The following PPIA variants were observed in gnomAD, a reference collection of about 807,000 sequenced individuals.
PPIA encodes peptidylprolyl isomerase A, also known as peptidyl-prolyl cis-trans isomerase A.
Under a neutral mutation model 15.3 loss-of-function variants are expected in PPIA, and 2 were observed. The observed-to-expected ratio is 0.13, with a 90% confidence interval of 0.05 to 0.41. The LOEUF is 0.41. PPIA is among the 10% of genes least tolerant of loss of function. PPIA has a pLI of 0.99. For synonymous variants in PPIA, 67 were observed against 73.1 expected, an observed-to-expected ratio of 0.92 and a Z score of 0.43; for missense variants, 103 against 210.3, an observed-to-expected ratio of 0.49 and a Z score of 3.16.
chr7:44,797,142 G>T (rs985288270), intron 1 of PPIA, among the ~76,000 whole-genome samples: 3 of 152,220 alleles, frequency 2.0e-5, no homozygotes, highest in African/African-American at 7.2e-5. Context: ...CTCCGCCCTA[G>T]CTTGGCCTGG....
chr7:44,799,327 G>T (rs901476990), intron 2 of PPIA, 50 bp downstream of exon 2: 12 of 1,531,144 alleles, frequency 7.8e-6, no homozygotes, highest in Non-Finnish European at 9.9e-6. Flanking sequence ...GTGACAGTTT[G>T]TGTGTGTGTG....
intron 1 of PPIA, among the ~76,000 whole-genome samples, chr7:44,797,257 G>T (rs1403442520): frequency 6.6e-6 from 1 of 152,218 alleles, no homozygotes; most frequent in African/African-American, 2.4e-5. Context: ...GAGCTGGGAA[G>T]CTGTTTGCTT....
In PPIA at chr7:44,803,112, T is replaced by G. The variant is rs140505462; in HGVS notation, c.*1690T>G. 7.4e-4 allele frequency: 112 copies of G among 152,360 alleles called. No homozygotes were observed. Among genetic ancestry groups the G allele is most frequent in the African/African-American group, 2.5e-3 (106 of 41,588 alleles). The allele number at this position is 152,360 out of a possible 1,614,324, so 9.4% of individuals were successfully genotyped here. On this transcript the variant is annotated 3_prime_UTR_variant, in exon 5 of 5. Coordinates refer to ENST00000468812, the MANE Select transcript of PPIA (RefSeq NM_021130.5). ...GTGGAAATAAACATCAAACATCTTT[T>G]CATTATCCCTAGTATTTCTTATTCC...
rs1792491290 is a variant in PPIA at position 44,799,809 on chromosome 7, C to T, written c.297C>T (p.Ser99=). The T allele has an allele frequency of 1.9e-6, 3 of 1,613,630 alleles. No homozygotes were observed. The highest frequency in any genetic ancestry group is 2.5e-6 in the Non-Finnish European group (3 of 1,179,974). ...AGCATACGGGTCCTGGCATCTTGTC[C>T]ATGGCAAATGCTGGACCCAACACAA... ...ILKHTGPGIL[S]MANAGPNTNG... The change falls in exon 4 of 5, where the codon TCC becomes TCT. Residue 99 remains serine, a synonymous_variant. Transcript: ENST00000468812.
In PPIA at chr7:44,799,380, T is replaced by G. The variant is rs1418247362; in HGVS notation, c.101-12T>G. 2 of 1,611,228 alleles carry G rather than the reference T, an allele frequency of 1.2e-6. No individual in the cohort carries two copies. The highest frequency in any genetic ancestry group is 1.7e-6 in the Non-Finnish European group (2 of 1,178,892). On this transcript the variant is annotated splice_polypyrimidine_tract_variant and intron_variant, in intron 2 of 4. Coordinates refer to ENST00000468812, the MANE Select transcript of PPIA (RefSeq NM_021130.5). Reference sequence around the variant, plus strand: ...ATGTATGTATATATGTGTTTAATTTTTTTTTAAACAGAAAATTTTCGTGCT... The same window carrying G: ...ATGTATGTATATATGTGTTTAATTTGTTTTTAAACAGAAAATTTTCGTGCT...
In PPIA at chr7:44,799,608, C is replaced by T. The variant is rs1583691004; in HGVS notation, c.190-94C>T. 3.2e-6 allele frequency: 5 copies of T among 1,578,296 alleles called. No individual in the cohort carries two copies. The East Asian group carries it at 1.1e-4, about 35-fold the overall frequency. On this transcript the variant is annotated intron_variant, in intron 3 of 4. Coordinates refer to ENST00000468812, the MANE Select transcript of PPIA (RefSeq NM_021130.5). ...TTCGGTTCTATTTAACCCTTCTATT[C>T]AGTTTGAACTTGGGTTTAAAGTTTG... is the stretch of plus-strand genomic sequence containing the variant.
rs1037648992 is a variant in PPIA at position 44,801,765 on chromosome 7, A to G, written c.*343A>G. The stretch of plus-strand genomic sequence containing the variant: ...TACTTTCCAGTCCCAGGAAGTGTCA[A>G]TGTTTGTTGAGTGGAATATTGAAAA... On this transcript the variant is annotated 3_prime_UTR_variant, in exon 5 of 5. Transcript: ENST00000468812. 4.6e-5 allele frequency: 10 copies of G among 216,428 alleles called. No homozygotes were observed. The highest frequency in any genetic ancestry group is 1.2e-4 in the African/African-American group (5 of 42,154). The allele number at this position is 216,428 out of a possible 1,614,324, so 13.4% of individuals were successfully genotyped here. A position where few individuals can be genotyped will look rare whatever the true frequency, so the allele number is the denominator to read the frequency against.
At chr7:44,801,050 C>G (rs1044908554) in intron 4 of PPIA, among the ~76,000 whole-genome samples, 7 of 151,684 alleles carry the variant, frequency 4.6e-5, no homozygotes, top group Non-Finnish European at 1.0e-4. Flanking sequence ...ATCTCCTGAC[C>G]TCGTGATCCG....
chr7:44,799,016 T>A (rs1264611597), intron 1 of PPIA: 11 of 1,157,858 alleles, frequency 9.5e-6, no homozygotes, highest in Admixed American at 3.7e-5. Flanking sequence ...GAAGTCTCAC[T>A]ATTTAAGTTA....
chr7:44,802,981 C>G lies in PPIA; in HGVS notation c.*1559C>G, dbSNP rs1419367791. On this transcript the variant is annotated 3_prime_UTR_variant, in exon 5 of 5. Coordinates refer to ENST00000468812, the MANE Select transcript of PPIA (RefSeq NM_021130.5). ...CTGGTTCCTTCTGCGTGAATTACCA[C>G]CACCACCACTTGTGCATCTCAGTCT... 6.6e-6 allele frequency: 1 copy of G among 152,208 alleles called. No homozygotes were observed. The highest frequency in any genetic ancestry group is 1.5e-5 in the Non-Finnish European group (1 of 68,056). The allele number at this position is 152,208 out of a possible 1,614,324, so 9.4% of individuals were successfully genotyped here.
Position 44,796,751 on chromosome 7 carries a change from C to G in PPIA, c.27C>G (p.Asp9Glu). 1 of 1,610,308 alleles carries G rather than the reference C, an allele frequency of 6.2e-7. No homozygotes were observed. Among genetic ancestry groups the G allele is most frequent in the Non-Finnish European group, 8.5e-7 (1 of 1,178,838 alleles). ...TGGTCAACCCCACCGTGTTCTTCGACATTGCCGTCGACGGCGAGCCCTTGG... is the reference window on the plus strand; with the variant it reads ...TGGTCAACCCCACCGTGTTCTTCGAGATTGCCGTCGACGGCGAGCCCTTGG... MVNPTVFF[D>E]IAVDGEPLGR... Residue 9 changes from aspartate (D) to glutamate (E), a missense_variant, in exon 1 of 5, where the codon GAC becomes GAG. Physicochemically the swap from Asp to Glu is conservative, Grantham distance 45. Coordinates refer to ENST00000468812, the MANE Select transcript of PPIA (RefSeq NM_021130.5).
At chr7:44,797,184 C>A (rs546775106) in intron 1 of PPIA, among the ~76,000 whole-genome samples, 146 of 152,294 alleles carry the variant, frequency 9.6e-4, no homozygotes, top group Non-Finnish European at 1.4e-3. Flanking sequence ...AGCACGCTCG[C>A]GGGGGCTTGC....
intron 1 of PPIA, 114 bp downstream of exon 1, chr7:44,796,907 C>T (rs570368288): frequency 4.5e-5 from 53 of 1,179,360 alleles, no homozygotes; most frequent in Non-Finnish European, 5.6e-5. Context: ...GGGGCGAGCG[C>T]GGGCGGGCTG....
rs770693008 is a variant in PPIA, at chr7:44,799,892, C to T, written c.362+18C>T. The stretch of plus-strand genomic sequence containing the variant: ...ACTGAGTGGTAAGGGTACAACATGG[C>T]ACACTAACCACCTGACTAAATGAAA... On this transcript the variant is annotated intron_variant, in intron 4 of 4. Transcript: ENST00000468812. 8 of 1,604,932 alleles carry T rather than the reference C, an allele frequency of 5.0e-6. No homozygotes were observed. Among genetic ancestry groups the T allele is most frequent in the South Asian group, 4.4e-5 (4 of 91,062 alleles).
At position 44,801,336 on chromosome 7, in the gene PPIA, A is replaced by G; in HGVS notation, c.412A>G (p.Ile138Val). The change falls in exon 5 of 5, where the codon ATT (isoleucine) becomes GTT (valine). Residue 138 changes from isoleucine (I) to valine (V), a missense_variant. Transcript: ENST00000468812. ...VFGKVKEGMNIVEAMERFGSR... is the reference protein window; with the variant it reads ...VFGKVKEGMNVVEAMERFGSR... ...TGGCAAAGTGAAAGAAGGCATGAAT[A>G]TTGTGGAGGCCATGGAGCGCTTTGG... The G allele has an allele frequency of 6.2e-7, 1 of 1,612,136 alleles. No individual in the cohort carries two copies. The highest frequency in any genetic ancestry group is 8.5e-7 in the Non-Finnish European group (1 of 1,179,012).
intron 1 of PPIA, chr7:44,798,099 C>G (rs889395176): frequency 2.0e-5 from 3 of 152,274 alleles, no homozygotes; most frequent in Middle Eastern, 3.4e-3. Context: ...AAAGGACTTG[C>G]AGGTCTTGAT....
chr7:44,801,050 C>CTCG (rs1224050197), intron 4 of PPIA, among the ~76,000 whole-genome samples: 1 of 151,684 alleles, frequency 6.6e-6, no homozygotes, highest in African/African-American at 2.4e-5. Flanking sequence ...ATCTCCTGAC[C>CTCG]TCGTGATCCG....
At chr7:44,799,026 A>G in intron 1 of PPIA, 1 of 1,144,046 alleles carries the variant, frequency 8.7e-7, no homozygotes. Context: ...TATTTAAGTT[A>G]TGACTAGTAT....
chr7:44,799,204 A>C (rs1279631160), intron 1 of PPIA, 43 bp from the exon 2 acceptor site: 1 of 1,603,890 alleles, frequency 6.2e-7, no homozygotes, highest in South Asian at 1.1e-5. Context: ...GTACTAAGCA[A>C]CAAAATAAGC....
Sources: gnomAD v4.1 joint callset for allele counts (sites outside exome capture counted in the v4.1 genomes callset) on GRCh38, gnomAD v4.1.1 for gene constraint, MANE v1.5 for transcripts, NCBI Gene and HGNC (gene_info 2026-07-23, HGNC 2026-07-21) for gene names.